The following UGT1A3 variants were observed in gnomAD, a reference collection of about 807,000 sequenced individuals.
UGT1A3 encodes UDP-glucuronosyltransferase 1A3.
In UGT1A3, 31 loss-of-function variants were observed where a neutral mutation model predicts 41.0. The ratio of observed to expected loss-of-function variants is 0.76; its 90% CI spans 0.57 to 1.02. The LOEUF (loss-of-function observed/expected upper bound fraction) is 1.02. UGT1A3 is among the 50% of genes least tolerant of loss of function. UGT1A3 has a pLI of 0.00. For missense variants in UGT1A3, 737 were observed against 671.0 expected, an observed-to-expected ratio of 1.10 and a Z score of -1.09; for synonymous variants, 262 against 257.6, an observed-to-expected ratio of 1.02 and a Z score of -0.17.
chr2:233,764,014 A>C (rs28900399), intron 1 of UGT1A3, among the ~76,000 whole-genome samples: 1 of 152,334 alleles, frequency 6.6e-6, no homozygotes, highest in Non-Finnish European at 1.5e-5. Flanking sequence ...GATGACCCAC[A>C]TGGTGTCTAA....
intron 4 of UGT1A3, chr2:233,771,362 C>T (rs1186329971): frequency 6.6e-6 from 1 of 152,076 alleles, no homozygotes; most frequent in African/African-American, 2.4e-5. Context: ...GTTGAAGCAC[C>T]TAACCCGTTT....
chr2:233,742,472 C>T (rs1248700519), intron 1 of UGT1A3, among the ~76,000 whole-genome samples: 4 of 151,922 alleles, frequency 2.6e-5, no homozygotes. Flanking sequence ...TTCCAGTAAA[C>T]TCACAACCTT....
At chr2:233,749,258 T>A (rs1694154027) in intron 1 of UGT1A3, among the ~76,000 whole-genome samples, 1 of 151,972 alleles carries the variant, frequency 6.6e-6, no homozygotes, top group African/African-American at 2.4e-5. Flanking sequence ...ATTTTTTTAT[T>A]GGTGATTTTC....
At chr2:233,740,004 G>A (rs1691279372) in intron 1 of UGT1A3, among the ~76,000 whole-genome samples, 1 of 151,810 alleles carries the variant, frequency 6.6e-6, no homozygotes, top group African/African-American at 2.4e-5. Context: ...GTCATACTAA[G>A]TGAGTTCTCA....
At chr2:233,759,465 A>T (rs1383052277) in intron 1 of UGT1A3, among the ~76,000 whole-genome samples, 2 of 152,106 alleles carry the variant, frequency 1.3e-5, no homozygotes, top group Non-Finnish European at 2.9e-5. Flanking sequence ...GCCACTCAAG[A>T]TCTATCTTAC....
rs1342292441 is a variant in UGT1A3, at chr2:233,772,794, G to A, written c.*235G>A. 35 of 1,212,802 alleles carry A rather than the reference G, an allele frequency of 2.9e-5. No individual in the cohort carries two copies. Among genetic ancestry groups the A allele is most frequent in the African/African-American group, 6.1e-5 (4 of 65,186 alleles). The allele number at this position is 1,212,802 out of a possible 1,614,324, so 75.1% of individuals were successfully genotyped here. On this transcript the variant is annotated 3_prime_UTR_variant, in exon 5 of 5. Transcript: ENST00000482026. ...CTGGTGTCTTTGATCAGGATGACAT[G>A]TGCCATTTTTCAGAGGACGTGCAGA...
At chr2:233,743,990 CG>C in intron 1 of UGT1A3, 1 of 1,267,322 alleles carries the variant, frequency 7.9e-7, no homozygotes, top group Admixed American at 2.4e-5. Context: ...GGCGCAGGCC[CG>C]AGTGCTCGGA....
At chr2:233,732,487 T>A (rs1464258255) in intron 1 of UGT1A3, among the ~76,000 whole-genome samples, 1 of 152,252 alleles carries the variant, frequency 6.6e-6, no homozygotes, top group African/African-American at 2.4e-5. Flanking sequence ...AATTTTTGTA[T>A]AAGGCGTAAG....
At chr2:233,747,985 G>A (rs1693830489) in intron 1 of UGT1A3, 11 of 1,613,486 alleles carry the variant, frequency 6.8e-6, no homozygotes, top group South Asian at 5.5e-5. Flanking sequence ...TGGCTGTTCC[G>A]AGGGGACTTT....
chr2:233,748,016 G>A (rs1039251990), intron 1 of UGT1A3: 59 of 1,613,480 alleles, frequency 3.7e-5, no homozygotes, highest in Middle Eastern at 1.7e-4. Flanking sequence ...ACCCCAGGCC[G>A]ATCATGCCCA....
chr2:233,771,764 G>GTCCCTCTCTCCT (rs1188840663), intron 4 of UGT1A3: 1 of 152,544 alleles, frequency 6.6e-6, no homozygotes, highest in East Asian at 1.9e-4. Context: ...TCCTTCCTCC[G>GTCCCTCTCTCCT]TCCCTCTCTC....
At chr2:233,734,641 G>T (rs777455810) in intron 1 of UGT1A3, among the ~76,000 whole-genome samples, 1 of 152,096 alleles carries the variant, frequency 6.6e-6, no homozygotes, top group East Asian at 1.9e-4. Context: ...GCTTTCTCCT[G>T]TGGGGATTTA....
In UGT1A3 at chr2:233,743,654, T is replaced by A. The variant is rs777818492; in HGVS notation, c.867+13661T>A. The A allele has an allele frequency of 2.2e-6, 3 of 1,367,166 alleles. No homozygotes were observed. In the East Asian group the frequency reaches 1.4e-4, roughly 62 times the overall value. 84.7% of individuals were successfully genotyped at this position (1,367,166 alleles called of 1,614,324 possible). A position where few individuals can be genotyped will look rare whatever the true frequency, so the allele number is the denominator to read the frequency against. ...TGGGTCGCGGAAGCTGAAGACGTAC[T>A]CGAAGGGGTCCTCGAAGGGCCTGCC... is the stretch of plus-strand genomic sequence containing the variant. On this transcript the variant is annotated intron_variant, in intron 1 of 4. Transcript: ENST00000482026.
In UGT1A3 at chr2:233,729,583, C is replaced by A. The variant is rs1274615489; in HGVS notation, c.457C>A (p.Pro153Thr). 1.2e-6 allele frequency: 2 copies of A among 1,614,036 alleles called. No homozygotes were observed. The highest frequency in any genetic ancestry group is 1.7e-6 in the Non-Finnish European group (2 of 1,179,982). Residue 153 changes from proline (P) to threonine (T), a missense_variant, in exon 1 of 5, where the codon CCC becomes ACC. Transcript: ENST00000482026. Reference sequence around the variant, plus strand: ...TTCCTTTGATGTGGTTTTAACAGACCCCGTTAACCTCTGCGCGGCAGTGCT... The same window carrying A: ...TTCCTTTGATGTGGTTTTAACAGACACCGTTAACCTCTGCGCGGCAGTGCT... ...ATSFDVVLTDPVNLCAAVLAK... is the reference protein window; with the variant it reads ...ATSFDVVLTDTVNLCAAVLAK...
intron 1 of UGT1A3, chr2:233,747,293 A>C (rs1693613348): frequency 3.7e-6 from 6 of 1,600,642 alleles, no homozygotes; most frequent in Non-Finnish European, 5.1e-6. Context: ...CCCTGGGCTG[A>C]GAGTGGGAAG....
chr2:233,757,439 A>G (rs942606489), intron 1 of UGT1A3, among the ~76,000 whole-genome samples: 6 of 151,228 alleles, frequency 4.0e-5, no homozygotes, highest in African/African-American at 1.5e-4. Flanking sequence ...AGTCACTTCT[A>G]TACAGAAACA....
chr2:233,761,546 G>A (rs1697796734), intron 1 of UGT1A3, among the ~76,000 whole-genome samples: 1 of 152,224 alleles, frequency 6.6e-6, no homozygotes, highest in Admixed American at 6.5e-5. Flanking sequence ...ATTCTTTGAT[G>A]ATGATAGATC....
In UGT1A3 at chr2:233,768,366, G is replaced by A. The variant is rs36076514; in HGVS notation, c.1234G>A (p.Val412Met). Residue 412 changes from valine (V) to methionine (M), a missense_variant, in exon 4 of 5, where the codon GTG (valine) becomes ATG (methionine). Transcript: ENST00000482026. ...AKRMETKGAG[V>M]TLNVLEMTSE... ...GCGCATGGAGACTAAGGGAGCTGGA[G>A]TGACCCTGAATGTTCTGGAAATGAC... 1 of 1,614,180 alleles carries A rather than the reference G, an allele frequency of 6.2e-7. No individual in the cohort carries two copies. Among genetic ancestry groups the A allele is most frequent in the African/African-American group, 1.3e-5 (1 of 75,048 alleles).
chr2:233,761,040 A>G (rs1426136333), intron 1 of UGT1A3: 5 of 1,614,140 alleles, frequency 3.1e-6, no homozygotes, highest in Non-Finnish European at 4.2e-6. Context: ...TGAGCTCTGC[A>G]TCTGTCTGGC....
Sources: gnomAD v4.1 joint callset for allele counts (sites outside exome capture counted in the v4.1 genomes callset) on GRCh38, gnomAD v4.1.1 for gene constraint, MANE v1.5 for transcripts, NCBI Gene and HGNC (gene_info 2026-07-23, HGNC 2026-07-21) for gene names.